The following KIAA1549 variants were observed in gnomAD, a reference collection of about 807,000 sequenced individuals.
The protein encoded by KIAA1549 is UPF0606 protein KIAA1549.
KIAA1549 carries 70 observed loss-of-function variants against 156.4 expected under a neutral mutation model. The ratio of observed to expected loss-of-function variants is 0.45; its 90% CI spans 0.37 to 0.55. KIAA1549 has a LOEUF of 0.55. KIAA1549 is among the 20% of genes least tolerant of loss of function. The pLI is 0.00. For synonymous variants in KIAA1549, 1,103 were observed against 1,066.4 expected, an observed-to-expected ratio of 1.03 and a Z score of -0.67; for missense variants, 2,428 against 2,540.9, an observed-to-expected ratio of 0.96 and a Z score of 0.96.
intron 1 of KIAA1549, 170 bp from the exon 2 acceptor site, chr7:138,919,608 T>C (rs1812495245): frequency 8.7e-7 from 1 of 1,152,108 alleles, no homozygotes; most frequent in Middle Eastern, 2.3e-4. Context: ...ATTGACAGAA[T>C]TACCATCAGG....
intron 17 of KIAA1549, 134 bp from the exon 18 acceptor site, chr7:138,844,608 G>T: frequency 1.2e-6 from 1 of 809,970 alleles, no homozygotes; most frequent in Non-Finnish European, 1.8e-6. Flanking sequence ...TCCTGGAAGG[G>T]GAAGAGATGT....
In KIAA1549 at chr7:138,837,882, G is replaced by A; in HGVS notation, c.*24C>T. The A allele has an allele frequency of 6.2e-7, 1 of 1,608,514 alleles. No homozygotes were observed. ...TTGCTTCCACAGGAAGCGGATACTT[G>A]GCAAATCTGCGAGGCGAGGCCGATC... On this transcript the variant is annotated 3_prime_UTR_variant, in exon 20 of 20. Transcript: ENST00000422774.
intron 1 of KIAA1549, among the ~76,000 whole-genome samples, chr7:138,927,136 T>C (rs961776782): frequency 2.0e-5 from 3 of 152,254 alleles, no homozygotes; most frequent in Non-Finnish European, 4.4e-5. Context: ...ATGTCCTTTT[T>C]TGTACATAAT....
intron 14 of KIAA1549, among the ~76,000 whole-genome samples, chr7:138,869,017 A>G (rs1810838945): frequency 6.6e-6 from 1 of 152,164 alleles, no homozygotes. Context: ...AAACGCATCT[A>G]TGTCGGGGAC....
In KIAA1549 at chr7:138,871,150, C is replaced by T. The variant is rs779479021; in HGVS notation, c.4551+7G>A. ...TAAGTAACAGACTTTTAAATAAAAG[C>T]AAATACCTCTTTGTTGATTTTATTG... is the stretch of plus-strand genomic sequence containing the variant. On this transcript the variant is annotated splice_region_variant and intron_variant, in intron 13 of 19. Transcript: ENST00000422774. The T allele has an allele frequency of 5.0e-6, 8 of 1,609,522 alleles. No homozygotes were observed. Among genetic ancestry groups the T allele is most frequent in the African/African-American group, 1.3e-5 (1 of 74,938 alleles).
At chr7:138,939,092 C>G (rs1813100766) in intron 1 of KIAA1549, among the ~76,000 whole-genome samples, 2 of 152,296 alleles carry the variant, frequency 1.3e-5, no homozygotes, top group South Asian at 4.1e-4. Context: ...GAACCCATTA[C>G]TCAGCTTCAA....
Position 138,922,293 on chromosome 7 carries a change from A to C in KIAA1549, c.188-2855T>G, listed in dbSNP as rs150662339. 7.6e-4 allele frequency among the ~76,000 whole-genome samples: 116 copies of C among 152,332 alleles called. 1 individual carries two copies. The highest frequency in any genetic ancestry group is 2.6e-3 in the African/African-American group (110 of 41,578). On this transcript the variant is annotated intron_variant, in intron 1 of 19. Transcript: ENST00000422774. Reference sequence around the variant, plus strand: ...CGCCTGTCAGAAACTAACATAAATCACACCCAGAAGAACATATTCACAGTC... The same window carrying C: ...CGCCTGTCAGAAACTAACATAAATCCCACCCAGAAGAACATATTCACAGTC...
chr7:138,930,116 T>C (rs1812830142), intron 1 of KIAA1549, among the ~76,000 whole-genome samples: 1 of 152,224 alleles, frequency 6.6e-6, no homozygotes, highest in Non-Finnish European at 1.5e-5. Flanking sequence ...ATTGGGTGAC[T>C]AGGTCCATTG....
At chr7:138,940,677 T>C (rs1226553516) in intron 1 of KIAA1549, among the ~76,000 whole-genome samples, 1 of 152,184 alleles carries the variant, frequency 6.6e-6, no homozygotes. Context: ...CCAGCACCTG[T>C]TGTGTCCTGA....
intron 19 of KIAA1549, 143 bp from the exon 20 acceptor site, chr7:138,838,303 T>A: frequency 4.8e-6 from 4 of 834,072 alleles, no homozygotes; most frequent in South Asian, 2.0e-5. Flanking sequence ...CTGCCTATGC[T>A]GCAGGTGAGG....
At chr7:138,965,252 A>T (rs1009231410) in intron 1 of KIAA1549, among the ~76,000 whole-genome samples, 7 of 152,214 alleles carry the variant, frequency 4.6e-5, no homozygotes, top group African/African-American at 1.7e-4. Context: ...AGGGAACAGC[A>T]AGTACAAATG....
At chr7:138,854,100 T>C (rs1810309995) in intron 16 of KIAA1549, among the ~76,000 whole-genome samples, 1 of 152,224 alleles carries the variant, frequency 6.6e-6, no homozygotes, top group Admixed American at 6.5e-5. Context: ...AGAATTTCTC[T>C]GATTCTGTTG....
At chr7:138,897,607 C>T (rs1811717915) in intron 9 of KIAA1549, among the ~76,000 whole-genome samples, 1 of 151,996 alleles carries the variant, frequency 6.6e-6, no homozygotes. Flanking sequence ...AAAACACTGA[C>T]ATTAAAAGAG....
At chr7:138,864,327 C>A (rs900995950) in intron 15 of KIAA1549, among the ~76,000 whole-genome samples, 1 of 152,138 alleles carries the variant, frequency 6.6e-6, no homozygotes, top group Non-Finnish European at 1.5e-5. Context: ...AACTTCTATA[C>A]CGAGAGAGAT....
intron 10 of KIAA1549, among the ~76,000 whole-genome samples, chr7:138,888,772 C>T (rs1811469625): frequency 6.6e-6 from 1 of 152,114 alleles, no homozygotes; most frequent in Non-Finnish European, 1.5e-5. Context: ...GACATGCGGT[C>T]CTAATTTATG....
intron 3 of KIAA1549, 58 bp downstream of exon 3, chr7:138,912,314 G>T: frequency 1.6e-6 from 2 of 1,249,974 alleles, no homozygotes; most frequent in South Asian, 1.2e-5. Flanking sequence ...CTAACCTGGG[G>T]CTCTCACATC....
chr7:138,980,408 G>T (rs1173389961), intron 1 of KIAA1549, among the ~76,000 whole-genome samples: 3 of 152,136 alleles, frequency 2.0e-5, no homozygotes, highest in Non-Finnish European at 4.4e-5. Flanking sequence ...TCACTAAATT[G>T]CATCTGTTAT....
intron 2 of KIAA1549, 42 bp from the exon 3 acceptor site, chr7:138,912,502 T>C (rs766180154): frequency 1.1e-5 from 16 of 1,505,682 alleles, no homozygotes; most frequent in Admixed American, 5.0e-5. Context: ...TTCATGTCAT[T>C]ATGAATAACA....
intron 1 of KIAA1549, among the ~76,000 whole-genome samples, chr7:138,944,067 C>T (rs1813273145): frequency 6.9e-6 from 1 of 144,994 alleles, no homozygotes. Flanking sequence ...CTGAGCGGGC[C>T]TCTCTTAGCA....
Sources: gnomAD v4.1 joint callset for allele counts (sites outside exome capture counted in the v4.1 genomes callset) on GRCh38, gnomAD v4.1.1 for gene constraint, MANE v1.5 for transcripts, NCBI Gene and HGNC (gene_info 2026-07-23, HGNC 2026-07-21) for gene names.